Variants in LRRC69 observed in about 807,000 individuals in gnomAD.
LRRC69 encodes leucine rich repeat containing 69.
LRRC69 carries 42 observed loss-of-function variants against 37.8 expected under a neutral mutation model. That is an observed-to-expected ratio of 1.11 (90% CI 0.87 to 1.44). The LOEUF (loss-of-function observed/expected upper bound fraction) is 1.44, where lower values mean the gene tolerates loss of function less well. Ranked by LOEUF, LRRC69 falls within the 40% of genes most tolerant of loss-of-function variation. The pLI is 0.00. For missense variants in LRRC69, 357 were observed against 401.9 expected (o/e 0.89, Z 0.96); for synonymous variants, 141 against 143.1 (o/e 0.99, Z 0.11).
At chr8:91,162,889 G>T (rs1015474851) in intron 5 of LRRC69, among the ~76,000 whole-genome samples, 1 of 149,526 alleles carries the variant, frequency 6.7e-6, no homozygotes, top group Non-Finnish European at 1.5e-5. Context: ...TTTTTTTTCA[G>T]CTTTGTCTAC....
chr8:91,158,470 T>G (rs1343260070), intron 5 of LRRC69: 1 of 1,238,130 alleles, frequency 8.1e-7, no homozygotes, highest in African/African-American at 1.5e-5. Context: ...GAAGAATGTT[T>G]GGAAACCCAC....
At chr8:91,153,610 G>A (rs748505975) in intron 5 of LRRC69, among the ~76,000 whole-genome samples, 4 of 151,888 alleles carry the variant, frequency 2.6e-5, no homozygotes, top group Non-Finnish European at 5.9e-5. Flanking sequence ...GCTCCTGAAT[G>A]ACTCCTGAGT....
At chr8:91,133,023 A>G in intron 3 of LRRC69, 87 bp from the exon 4 acceptor site, 1 of 713,918 alleles carries the variant, frequency 1.4e-6, no homozygotes, top group Non-Finnish European at 2.2e-6. Context: ...ATAAATTGAC[A>G]CATGGCTTCT....
At chr8:91,133,720 C>A (rs1813852287) in intron 4 of LRRC69, among the ~76,000 whole-genome samples, 1 of 151,980 alleles carries the variant, frequency 6.6e-6, no homozygotes, top group South Asian at 2.1e-4. Flanking sequence ...CTGCAACCTC[C>A]ACATCCCGGG....
At position 91,150,426 on chromosome 8, in the gene LRRC69, A is replaced by C. The variant is rs147857972; in HGVS notation, c.651+14687A>C. 3.3e-5 allele frequency among the ~76,000 whole-genome samples: 5 copies of C among 151,808 alleles called. No individual in the cohort carries two copies. In the South Asian group the frequency reaches 6.2e-4, roughly 19 times the overall value. On this transcript the variant is annotated intron_variant, in intron 5 of 7. Coordinates refer to ENST00000448384, the Ensembl canonical transcript of LRRC69. Reference sequence around the variant, plus strand: ...ATATTGAACCAGCCTTGCATCCCAGAGATGAAGCCCATTTGATCATGGTGG... The same window carrying C: ...ATATTGAACCAGCCTTGCATCCCAGCGATGAAGCCCATTTGATCATGGTGG...
Position 91,117,559 on chromosome 8 carries a change from C to CTTT in LRRC69, c.184-6912_184-6910dup, listed in dbSNP as rs35003763. On this transcript the variant is annotated intron_variant, in intron 1 of 7. Coordinates refer to ENST00000448384, the Ensembl canonical transcript of LRRC69. ...TAGAAGCCGAAACTAACAAGATCCA[C>CTTT]TTTTTTTTTTTTTTTTTTTTTTTTA... Among the ~76,000 whole-genome samples, 483 of 115,088 alleles carry CTTT rather than the reference C, an allele frequency of 4.2e-3. 7 individuals are homozygous for CTTT. Among genetic ancestry groups the CTTT allele is most frequent in the African/African-American group, 0.015 (456 of 29,868 alleles). The allele number at this position is 115,088 out of a possible 152,430, so 75.5% of individuals were successfully genotyped here. A position where few individuals can be genotyped will look rare whatever the true frequency, so the allele number is the denominator to read the frequency against.
At chr8:91,117,484 C>G (rs1302002537) in intron 1 of LRRC69, among the ~76,000 whole-genome samples, 1 of 149,316 alleles carries the variant, frequency 6.7e-6, no homozygotes, top group African/African-American at 2.5e-5. Flanking sequence ...GTCCAGGGGG[C>G]ATTGTCCAGT....
chr8:91,116,550 A>G (rs1217473127), intron 1 of LRRC69, among the ~76,000 whole-genome samples: 1 of 150,550 alleles, frequency 6.6e-6, no homozygotes, highest in Non-Finnish European at 1.5e-5. Context: ...ATATATATAT[A>G]TATTTGTATC....
chr8:91,212,933 C>G (rs986261522), intron 7 of LRRC69, among the ~76,000 whole-genome samples: 4 of 152,104 alleles, frequency 2.6e-5, no homozygotes, highest in Admixed American at 2.6e-4. Flanking sequence ...ACTTTTACTC[C>G]TGTGAGAACT....
intron 7 of LRRC69, among the ~76,000 whole-genome samples, chr8:91,207,716 C>T (rs767991074): frequency 1.1e-4 from 17 of 152,156 alleles, no homozygotes; most frequent in Non-Finnish European, 7.3e-5. Context: ...ATAAATTGCA[C>T]AATGTGTACA....
intron 5 of LRRC69, chr8:91,158,450 G>T: frequency 7.8e-7 from 1 of 1,288,270 alleles, no homozygotes; most frequent in Middle Eastern, 1.9e-4. Flanking sequence ...TAAAATGCAT[G>T]CTGTTAATGG....
intron 1 of LRRC69, among the ~76,000 whole-genome samples, chr8:91,108,768 G>C (rs1236917953): frequency 6.6e-6 from 1 of 151,982 alleles, no homozygotes; most frequent in African/African-American, 2.4e-5. Flanking sequence ...GCTATCATTA[G>C]TATTAGTGTA....
chr8:91,146,623 T>C (rs1309072640), intron 5 of LRRC69, among the ~76,000 whole-genome samples: 1 of 151,682 alleles, frequency 6.6e-6, no homozygotes, highest in Non-Finnish European at 1.5e-5. Flanking sequence ...TAACAGTGCT[T>C]GGCACAGAGT....
At chr8:91,189,540 A>G (rs1182826602) in exon 6 of LRRC69, 1 of 1,550,514 alleles carries the variant, frequency 6.4e-7, no homozygotes, top group Non-Finnish European at 8.7e-7. Flanking sequence ...TCTGAAGCTG[A>G]GGGAATTCTA....
intron 7 of LRRC69, among the ~76,000 whole-genome samples, chr8:91,213,392 A>G (rs934877283): frequency 6.6e-6 from 1 of 152,204 alleles, no homozygotes; most frequent in South Asian, 2.1e-4. Flanking sequence ...ATCCCAATGT[A>G]TGGTTACCCT....
intron 5 of LRRC69, among the ~76,000 whole-genome samples, chr8:91,175,955 C>T (rs1809216819): frequency 6.6e-6 from 1 of 151,030 alleles, no homozygotes; most frequent in Non-Finnish European, 1.5e-5. Context: ...TTTACTGAAT[C>T]TTTTCTTTTC....
intron 7 of LRRC69, among the ~76,000 whole-genome samples, chr8:91,217,523 T>G (rs1036969312): frequency 6.6e-5 from 10 of 152,160 alleles, no homozygotes; most frequent in Non-Finnish European, 1.5e-4. Context: ...TTCCTTGAAC[T>G]GTCTTGCCTT....
intron 7 of LRRC69, among the ~76,000 whole-genome samples, chr8:91,211,547 C>T (rs1401132877): frequency 3.4e-5 from 5 of 147,364 alleles, no homozygotes; most frequent in African/African-American, 9.9e-5. Context: ...TAAGGAATTG[C>T]TTTTATATAT....
At chr8:91,115,938 TAAGC>T (rs1813503327) in intron 1 of LRRC69, among the ~76,000 whole-genome samples, 5 of 151,994 alleles carry the variant, frequency 3.3e-5, no homozygotes, top group African/African-American at 1.2e-4. Context: ...CTCCTGCAGG[TAAGC>T]CTAACATACA....
Sources: allele counts gnomAD v4.1 joint callset (sites outside exome capture counted in the v4.1 genomes callset), GRCh38; gene constraint gnomAD v4.1.1; transcripts MANE v1.5; gene names NCBI Gene and HGNC (gene_info 2026-07-23, HGNC 2026-07-21).